PSPC1: variants seen among roughly 807,000 people sequenced by gnomAD.
PSPC1 encodes paraspeckle protein 1.
Under a neutral mutation model 51.6 loss-of-function variants are expected in PSPC1, and 14 were observed. That is an observed-to-expected ratio of 0.27 (90% CI 0.18 to 0.42). PSPC1 has a LOEUF of 0.42. PSPC1 is among the 10% of genes least tolerant of loss of function. The probability of loss-of-function intolerance (pLI) is 1.00; values close to 1 mark genes in which losing one functional copy is unlikely to be tolerated. For missense variants in PSPC1, 406 were observed against 701.1 expected (o/e 0.58, Z 4.75); for synonymous variants, 193 against 231.9 (o/e 0.83, Z 1.53).
intron 2 of PSPC1, among the ~76,000 whole-genome samples, chr13:19,761,193 G>A (rs140707540): frequency 6.6e-6 from 1 of 152,146 alleles, no homozygotes; most frequent in African/African-American, 2.4e-5. Flanking sequence ...AAGGGAAAAA[G>A]GGAAGGCAGA....
In PSPC1 at chr13:19,782,044, C is replaced by T. The variant is rs1363243575; in HGVS notation, c.372+342G>A. On this transcript the variant is annotated intron_variant, in intron 1 of 8. Coordinates refer to ENST00000338910, the MANE Select transcript of PSPC1 (RefSeq NM_001354909.2). This position sits in a 1 kb window ranked among gnomAD's most constrained non-coding sequence, Gnocchi z 4.5. ...CCTGTCCCCGGACCCTTTCGGTACC[C>T]GGGGCAACGGGGAACCCGGGAGCGC... 6.6e-6 allele frequency among the ~76,000 whole-genome samples: 1 copy of T among 152,238 alleles called. No individual in the cohort carries two copies. The highest frequency in any genetic ancestry group is 2.4e-5 in the African/African-American group (1 of 41,468).
intron 7 of PSPC1, among the ~76,000 whole-genome samples, chr13:19,677,370 C>G (rs771427816): frequency 5.9e-5 from 9 of 152,082 alleles, no homozygotes; most frequent in African/African-American, 4.8e-5. Context: ...TCCAAGACCT[C>G]TATGTCATTT....
chr13:19,703,077 A>G lies in PSPC1; in HGVS notation c.*98T>C, dbSNP rs1880135371. The G allele has an allele frequency of 1.1e-6, 1 of 900,972 alleles. No individual in the cohort carries two copies. Among genetic ancestry groups the G allele is most frequent in the Non-Finnish European group, 1.7e-6 (1 of 591,398 alleles). The allele number at this position is 900,972 out of a possible 1,614,324, so 55.8% of individuals were successfully genotyped here. ...AAAAAAAAAACTTTTAAGTCTACAT[A>G]CATTAACAATAAAACCATTTCTTCC... On this transcript the variant is annotated 3_prime_UTR_variant, in exon 9 of 9. Transcript: ENST00000338910.
chr13:19,778,364 TC>T (rs1889427025), intron 1 of PSPC1, among the ~76,000 whole-genome samples: 2 of 2,568 alleles, frequency 7.8e-4, no homozygotes, highest in Non-Finnish European at 3.8e-3. Context: ...CCTCTCCCTC[TC>T]CCCCTCCCCC....
intron 6 of PSPC1, among the ~76,000 whole-genome samples, chr13:19,683,997 C>T (rs1365891864): frequency 6.6e-6 from 1 of 152,002 alleles, no homozygotes; most frequent in Non-Finnish European, 1.5e-5. Context: ...TTTCAAGTGC[C>T]CAGACCTGAA....
chr13:19,729,149 C>A (rs919784272), intron 6 of PSPC1, among the ~76,000 whole-genome samples: 1 of 151,898 alleles, frequency 6.6e-6, no homozygotes, highest in Non-Finnish European at 1.5e-5. Context: ...TTCAAGTATG[C>A]GATACATACT....
At chr13:19,690,937 C>T (rs1275816621) in intron 6 of PSPC1, among the ~76,000 whole-genome samples, 2 of 152,192 alleles carry the variant, frequency 1.3e-5, no homozygotes, top group East Asian at 1.9e-4. Flanking sequence ...TCTTTATGCA[C>T]TTTCTTTTCC....
At chr13:19,730,957 C>CAA (rs1483772556) in intron 5 of PSPC1, among the ~76,000 whole-genome samples, 4 of 36,992 alleles carry the variant, frequency 1.1e-4, no homozygotes, top group African/African-American at 2.5e-4. Flanking sequence ...AAAAAAAAAA[C>CAA]AAAAAAACAA....
chr13:19,726,667 G>A (rs1175632399), intron 6 of PSPC1, among the ~76,000 whole-genome samples: 1 of 152,002 alleles, frequency 6.6e-6, no homozygotes, highest in African/African-American at 2.4e-5. Context: ...CCACTCAGGA[G>A]GATGAGGAAA....
At chr13:19,720,426 G>A (rs1285424612) in intron 6 of PSPC1, among the ~76,000 whole-genome samples, 1 of 152,196 alleles carries the variant, frequency 6.6e-6, no homozygotes, top group East Asian at 1.9e-4. Flanking sequence ...GCCAACGTAT[G>A]AGTTAAGTAC....
chr13:19,732,926 C>CAAAAAAAAAAAAGAAAAAG (rs34848375), intron 5 of PSPC1, among the ~76,000 whole-genome samples: 1 of 142,854 alleles, frequency 7.0e-6, no homozygotes, highest in African/African-American at 2.7e-5. Context: ...GACTCCATCT[C>CAAAAAAAAAAAAGAAAAAG]AAAAAAAAAA....
intron 6 of PSPC1, among the ~76,000 whole-genome samples, chr13:19,711,472 T>TA (rs1881411606): frequency 6.6e-6 from 1 of 151,448 alleles, no homozygotes; most frequent in Non-Finnish European, 1.5e-5. Flanking sequence ...CCGTTTCTAC[T>TA]AAAAATACAA....
intron 5 of PSPC1, among the ~76,000 whole-genome samples, chr13:19,740,576 C>T (rs2138030372): frequency 6.6e-6 from 1 of 152,242 alleles, no homozygotes. Context: ...AAAGCAAATA[C>T]TATTTTCAAA....
chr13:19,704,153 T>C (rs530503245), intron 8 of PSPC1, among the ~76,000 whole-genome samples: 6 of 152,280 alleles, frequency 3.9e-5, no homozygotes, highest in South Asian at 2.1e-4. Context: ...GTTACTTCTA[T>C]GTTTCTATTG....
At chr13:19,777,051 G>A (rs991176339) in intron 1 of PSPC1, among the ~76,000 whole-genome samples, 9 of 148,780 alleles carry the variant, frequency 6.0e-5, no homozygotes, top group African/African-American at 2.2e-4. Context: ...TTGAACCTGG[G>A]GAGGCAAGGC....
rs893672133 is a variant in PSPC1, at chr13:19,729,732, A to T, written c.1158+507T>A. On this transcript the variant is annotated intron_variant, in intron 6 of 8. Transcript: ENST00000338910. ...TTTAAAATATGATAAAGATTTTTTTAAAAAGTCCTCATCTTTTAGAGATAC... is the reference window on the plus strand; with the variant it reads ...TTTAAAATATGATAAAGATTTTTTTTAAAAGTCCTCATCTTTTAGAGATAC... Among the ~76,000 whole-genome samples, 12 of 152,242 alleles carry T rather than the reference A, an allele frequency of 7.9e-5. No homozygotes were observed. In the South Asian group the frequency reaches 8.3e-4, roughly 11 times the overall value.
intron 6 of PSPC1, among the ~76,000 whole-genome samples, chr13:19,721,928 A>G (rs1163329391): frequency 2.0e-5 from 3 of 152,246 alleles, no homozygotes; most frequent in African/African-American, 2.4e-5. Flanking sequence ...TATGTTTTCC[A>G]AAGTGCCAAA....
chr13:19,675,770 A>T (rs1384036880), intron 7 of PSPC1: 2 of 152,238 alleles, frequency 1.3e-5, no homozygotes, highest in Non-Finnish European at 2.9e-5. Context: ...ATCACTGACC[A>T]GCAGACCTAA....
At chr13:19,779,046 G>A (rs1320170749) in intron 1 of PSPC1, among the ~76,000 whole-genome samples, 5 of 129,550 alleles carry the variant, frequency 3.9e-5, no homozygotes, top group Admixed American at 7.5e-5. Context: ...TGTGAGGAGC[G>A]CCTCTGCCCG....
Sources: gnomAD v4.1 joint callset for allele counts (sites outside exome capture counted in the v4.1 genomes callset) on GRCh38, gnomAD v4.1.1 for gene constraint, Gnocchi (gnomAD v3.1) non-coding constraint, MANE v1.5 for transcripts, NCBI Gene and HGNC (gene_info 2026-07-23, HGNC 2026-07-21) for gene names.